The following TTLL5 variants were observed in gnomAD, a reference collection of about 807,000 sequenced individuals.
The protein encoded by TTLL5 is tubulin tyrosine ligase like 5.
In TTLL5, 132 loss-of-function variants were observed where a neutral mutation model predicts 168.4. The ratio of observed to expected loss-of-function variants is 0.78; its 90% CI spans 0.68 to 0.91. The LOEUF is 0.91. TTLL5 is among the 40% of genes least tolerant of loss of function. TTLL5 has a pLI of 0.00. For synonymous variants in TTLL5, 546 were observed against 558.6 expected (o/e 0.98, Z 0.32); for missense variants, 1,545 against 1,581.5 (o/e 0.98, Z 0.39).
At chr14:75,812,514 A>G (rs1228397507) in intron 27 of TTLL5, among the ~76,000 whole-genome samples, 1 of 152,182 alleles carries the variant, frequency 6.6e-6, no homozygotes, top group Non-Finnish European at 1.5e-5. Flanking sequence ...TGTTTTGTCC[A>G]CTTTTGCATT....
At chr14:75,686,481 G>A (rs1463795662) in intron 5 of TTLL5, among the ~76,000 whole-genome samples, 1 of 152,138 alleles carries the variant, frequency 6.6e-6, no homozygotes, top group East Asian at 1.9e-4. Context: ...TGGTGCTAGT[G>A]ATGATAAGAG....
chr14:75,711,697 T>C (rs564393118), intron 9 of TTLL5: 2 of 152,344 alleles, frequency 1.3e-5, no homozygotes, highest in East Asian at 3.9e-4. Context: ...TGGCCTTTTT[T>C]CTGCCTCAGC....
chr14:75,746,358 C>T (rs1360525455), intron 17 of TTLL5, among the ~76,000 whole-genome samples: 1 of 152,150 alleles, frequency 6.6e-6, no homozygotes, highest in Non-Finnish European at 1.5e-5. Flanking sequence ...CAGTTATGGT[C>T]TCTTTTGAAG....
At chr14:75,834,486 C>T (rs544966218) in intron 28 of TTLL5, among the ~76,000 whole-genome samples, 4 of 152,236 alleles carry the variant, frequency 2.6e-5, no homozygotes, top group African/African-American at 9.6e-5. Context: ...CTGTCTTTCC[C>T]CTTCCCTTTC....
At chr14:75,739,601 T>G (rs1889123468) in intron 15 of TTLL5, among the ~76,000 whole-genome samples, 1 of 152,186 alleles carries the variant, frequency 6.6e-6, no homozygotes, top group Non-Finnish European at 1.5e-5. Flanking sequence ...TATGGCATGG[T>G]ACTGTGGAAA....
At chr14:75,713,378 A>T (rs1887225730) in intron 9 of TTLL5, among the ~76,000 whole-genome samples, 1 of 152,226 alleles carries the variant, frequency 6.6e-6, no homozygotes, top group African/African-American at 2.4e-5. Context: ...AAGCTGTATT[A>T]TCTATCCTAG....
chr14:75,773,189 C>G (rs1397541407), intron 21 of TTLL5, among the ~76,000 whole-genome samples: 1 of 152,218 alleles, frequency 6.6e-6, no homozygotes, highest in Middle Eastern at 3.4e-3. Flanking sequence ...AGAGATAAAA[C>G]CTTGTGTGTT....
chr14:75,667,751 G>GTTTTTTTTTTTTTTTTTTTTTTT (rs67181555), intron 2 of TTLL5, among the ~76,000 whole-genome samples: 10 of 89,084 alleles, frequency 1.1e-4, no homozygotes, highest in Non-Finnish European at 1.8e-4. Context: ...ATCTTTTTAT[G>GTTTTTTTTTTTTTTTTTTTTTTT]TTTTTTTTTT....
At chr14:75,865,296 T>A (rs1343149732) in intron 29 of TTLL5, among the ~76,000 whole-genome samples, 2 of 152,070 alleles carry the variant, frequency 1.3e-5, no homozygotes, top group African/African-American at 4.8e-5. Context: ...GTTCTTAAAT[T>A]TCTTAAAGCT....
chr14:75,908,219 T>A (rs2033225391), intron 31 of TTLL5, among the ~76,000 whole-genome samples: 1 of 152,228 alleles, frequency 6.6e-6, no homozygotes, highest in Non-Finnish European at 1.5e-5. Context: ...ACAGAGTGGA[T>A]CAGAGGGTCT....
At chr14:75,867,132 A>G (rs931746198) in intron 29 of TTLL5, among the ~76,000 whole-genome samples, 3 of 152,226 alleles carry the variant, frequency 2.0e-5, no homozygotes, top group Non-Finnish European at 4.4e-5. Flanking sequence ...GCAACTACTC[A>G]GCTCTGCCAT....
chr14:75,935,001 C>T (rs1347920618), intron 31 of TTLL5, among the ~76,000 whole-genome samples: 1 of 152,090 alleles, frequency 6.6e-6, no homozygotes, highest in African/African-American at 2.4e-5. Flanking sequence ...CCTTTAAGAA[C>T]TAATAGGAAG....
At chr14:75,721,180 TTTTCTC>T (rs528666377) in intron 12 of TTLL5, among the ~76,000 whole-genome samples, 2 of 152,094 alleles carry the variant, frequency 1.3e-5, no homozygotes, top group African/African-American at 2.4e-5. Context: ...TTCCACTTTC[TTTTCTC>T]TTTCTCTTTC....
chr14:75,943,317 T>G (rs1184855874), intron 31 of TTLL5, among the ~76,000 whole-genome samples: 1 of 152,188 alleles, frequency 6.6e-6, no homozygotes, highest in African/African-American at 2.4e-5. Context: ...CCTTCTAGAC[T>G]GGGACCCCAG....
intron 9 of TTLL5, among the ~76,000 whole-genome samples, chr14:75,715,787 A>G (rs1887405602): frequency 6.6e-6 from 1 of 151,810 alleles, no homozygotes; most frequent in African/African-American, 2.4e-5. Flanking sequence ...GAAAAGGAAG[A>G]TTAGGAAGAA....
chr14:75,872,469 C>G (rs1389980760), intron 29 of TTLL5, among the ~76,000 whole-genome samples: 2 of 152,232 alleles, frequency 1.3e-5, no homozygotes, highest in East Asian at 3.9e-4. Context: ...TACTCAGTAC[C>G]TCTGCAATTA....
chr14:75,827,801 C>G (rs1349554299), intron 28 of TTLL5, among the ~76,000 whole-genome samples: 1 of 142,984 alleles, frequency 7.0e-6, no homozygotes, highest in Non-Finnish European at 1.5e-5. Context: ...CTCACTGCAG[C>G]CTCTGCCTCC....
At chr14:75,665,596 C>T (rs1399810197) in intron 2 of TTLL5, among the ~76,000 whole-genome samples, 1 of 152,178 alleles carries the variant, frequency 6.6e-6, no homozygotes, top group Non-Finnish European at 1.5e-5. Context: ...CAGTGGCTCA[C>T]GCCTGTAATC....
intron 30 of TTLL5, among the ~76,000 whole-genome samples, chr14:75,901,266 G>C (rs967386633): frequency 4.6e-5 from 7 of 152,080 alleles, no homozygotes; most frequent in African/African-American, 1.7e-4. Flanking sequence ...TTCTAGCAAG[G>C]GTGATGGATA....
Sources: allele counts gnomAD v4.1 joint callset (sites outside exome capture counted in the v4.1 genomes callset), GRCh38; gene constraint gnomAD v4.1.1; transcripts MANE v1.5; gene names NCBI Gene and HGNC (gene_info 2026-07-23, HGNC 2026-07-21).